The following DIP2C variants were observed in gnomAD, a reference collection of about 807,000 sequenced individuals.
The protein encoded by DIP2C is DIP2 acetate--CoA ligase C (putative), also known as disco-interacting protein 2 homolog C.
Under a neutral mutation model 192.4 loss-of-function variants are expected in DIP2C, and 33 were observed. The ratio of observed to expected loss-of-function variants is 0.17; its 90% CI spans 0.13 to 0.23. The LOEUF (loss-of-function observed/expected upper bound fraction) is 0.23, where lower values mean the gene tolerates loss of function less well. Among genes scored for constraint, DIP2C ranks in the 10% least tolerant of loss-of-function variants. The pLI, the probability that DIP2C is intolerant of heterozygous loss-of-function variation, is 1.00. For missense variants in DIP2C, 1,537 were observed against 2,110.1 expected, an observed-to-expected ratio of 0.73 and a Z score of 5.32; for synonymous variants, 979 against 864.1, an observed-to-expected ratio of 1.13 and a Z score of -2.33.
chr10:454,088 GAT>G (rs1242908267), intron 3 of DIP2C, among the ~76,000 whole-genome samples: 2 of 152,324 alleles, frequency 1.3e-5, no homozygotes, highest in East Asian at 3.9e-4. Flanking sequence ...GCAATAAATT[GAT>G]AGAGGTGCAT....
chr10:615,275 T>TAGACAGA (rs372435310), intron 1 of DIP2C, among the ~76,000 whole-genome samples: 6 of 152,174 alleles, frequency 3.9e-5, no homozygotes, highest in African/African-American at 1.4e-4. Flanking sequence ...GTACCGTGAT[T>TAGACAGA]AGACAGAAGA....
intron 3 of DIP2C, among the ~76,000 whole-genome samples, chr10:447,740 C>T (rs12769635): frequency 9.4e-5 from 11 of 117,090 alleles, no homozygotes; most frequent in Non-Finnish European, 1.8e-4. Context: ...CAGGATCACA[C>T]ACAGTAGGGC....
At chr10:294,309 ATGCATCAATACTCTGGG>A (rs1448292405) in intron 32 of DIP2C, among the ~76,000 whole-genome samples, 1 of 152,100 alleles carries the variant, frequency 6.6e-6, no homozygotes, top group East Asian at 1.9e-4. Flanking sequence ...CCCTAATCAC[ATGCATCAATACTCTGGG>A]TGCATCAATA....
At chr10:602,681 G>C (rs951382280) in intron 1 of DIP2C, among the ~76,000 whole-genome samples, 2 of 152,208 alleles carry the variant, frequency 1.3e-5, no homozygotes, top group African/African-American at 4.8e-5. Flanking sequence ...AGCCCAGACA[G>C]TCATGTTACA....
intron 22 of DIP2C, among the ~76,000 whole-genome samples, 173 bp downstream of exon 22, chr10:362,317 G>A (rs1472701878): frequency 1.3e-5 from 2 of 152,202 alleles, no homozygotes. Context: ...TTTACAGCCA[G>A]AAGACCAGAA....
chr10:300,798 G>A (rs1314570006), intron 32 of DIP2C, among the ~76,000 whole-genome samples: 2 of 149,308 alleles, frequency 1.3e-5, no homozygotes, highest in Non-Finnish European at 3.0e-5. Context: ...GGAGAAGCCG[G>A]AACCCAGGGG....
intron 1 of DIP2C, among the ~76,000 whole-genome samples, chr10:522,790 G>A (rs1846793863): frequency 6.6e-6 from 1 of 152,200 alleles, no homozygotes; most frequent in Admixed American, 6.5e-5. Context: ...TTTATCAGAT[G>A]AGCCTTTTGT....
intron 6 of DIP2C, among the ~76,000 whole-genome samples, chr10:418,236 G>A (rs552979869): frequency 1.6e-5 from 2 of 127,658 alleles, no homozygotes; most frequent in African/African-American, 3.2e-5. Context: ...TCAGGGCTTC[G>A]ATAGGCCTCC....
chr10:303,153 G>A (rs908375907), intron 32 of DIP2C, among the ~76,000 whole-genome samples: 9 of 152,150 alleles, frequency 5.9e-5, no homozygotes, highest in Non-Finnish European at 8.8e-5. Flanking sequence ...ATCACCACAC[G>A]TGGCGGTAGA....
intron 31 of DIP2C, among the ~76,000 whole-genome samples, chr10:326,449 TGA>T (rs1957275626): frequency 6.6e-6 from 1 of 152,186 alleles, no homozygotes; most frequent in South Asian, 2.1e-4. Flanking sequence ...CAGCACCTGC[TGA>T]GAGGGAAGCC....
At chr10:320,376 C>T (rs896281358) in intron 31 of DIP2C, among the ~76,000 whole-genome samples, 1 of 151,880 alleles carries the variant, frequency 6.6e-6, no homozygotes, top group Non-Finnish European at 1.5e-5. Flanking sequence ...GGCGAGGTGG[C>T]AGGTGCCTGT....
chr10:676,159 G>A (rs4501919), intron 1 of DIP2C, among the ~76,000 whole-genome samples: 150,463 of 152,334 alleles, frequency 0.99, 74,336 homozygotes, highest in Middle Eastern at 1. Flanking sequence ...AAGGACAAAA[G>A]CCATAGGATC....
chr10:493,685 G>A (rs1342910641), intron 1 of DIP2C, among the ~76,000 whole-genome samples: 1 of 152,220 alleles, frequency 6.6e-6, no homozygotes, highest in Admixed American at 6.5e-5. Context: ...TTTGGATTGG[G>A]AGGGAACATG....
chr10:292,572 C>T (rs1248914072), intron 32 of DIP2C, among the ~76,000 whole-genome samples: 2 of 152,190 alleles, frequency 1.3e-5, no homozygotes, highest in African/African-American at 4.8e-5. Context: ...TTGCTAGAAG[C>T]GACGTCTCGG....
chr10:514,856 T>C (rs1171860098), intron 1 of DIP2C, among the ~76,000 whole-genome samples: 1 of 152,178 alleles, frequency 6.6e-6, no homozygotes, highest in African/African-American at 2.4e-5. Flanking sequence ...GAGGATTTAT[T>C]CCCACTGTGG....
rs776668253 is a variant in DIP2C, at chr10:357,826, A to G, written c.2904+2T>C. The G allele has an allele frequency of 6.2e-7, 1 of 1,611,018 alleles. No individual in the cohort carries two copies. Among genetic ancestry groups the G allele is most frequent in the Non-Finnish European group, 8.5e-7 (1 of 1,178,694 alleles). ...GGGGAGACTCAGGGACCCAGCTCCTACCTTGCGTGCCTGGTCGTTATCTTC... is the reference window on the plus strand; with the variant it reads ...GGGGAGACTCAGGGACCCAGCTCCTGCCTTGCGTGCCTGGTCGTTATCTTC... On this transcript the variant is annotated splice_donor_variant, in intron 23 of 36. Transcript: ENST00000280886. LOFTEE classifies it high-confidence loss of function.
chr10:685,274 C>G (rs1183924308), intron 1 of DIP2C, among the ~76,000 whole-genome samples: 1 of 149,042 alleles, frequency 6.7e-6, no homozygotes, highest in Admixed American at 6.7e-5. Flanking sequence ...CCTTCACCTC[C>G]CTCTGCAAGC....
chr10:376,652 T>G lies in DIP2C; in HGVS notation c.1991+5995A>C, dbSNP rs549415585. On this transcript the variant is annotated intron_variant, in intron 17 of 36. Transcript: ENST00000280886. ...CTTTTAGATGGACGTAAATCAGCCC[T>G]GATGAAGGTGCCGGGGCAGCCACAC... 6.6e-5 allele frequency among the ~76,000 whole-genome samples: 10 copies of G among 151,206 alleles called. No individual in the cohort carries two copies. The South Asian group carries it at 2.1e-3, about 32-fold the overall frequency.
intron 14 of DIP2C, among the ~76,000 whole-genome samples, chr10:385,844 G>A (rs1467005827): frequency 2.0e-5 from 3 of 152,154 alleles, no homozygotes; most frequent in Non-Finnish European, 4.4e-5. Flanking sequence ...GCTCGATTTG[G>A]GAAGCTCCAG....
Sources: allele counts gnomAD v4.1 joint callset (sites outside exome capture counted in the v4.1 genomes callset), GRCh38; gene constraint gnomAD v4.1.1; transcripts MANE v1.5; gene names NCBI Gene and HGNC (gene_info 2026-07-23, HGNC 2026-07-21).